EXOC4: variants seen among roughly 807,000 people sequenced by gnomAD.
The protein encoded by EXOC4 is exocyst complex component 4, also known as SEC8-like 1.
Under a neutral mutation model 107.2 loss-of-function variants are expected in EXOC4, and 71 were observed. The ratio of observed to expected loss-of-function variants is 0.66; its 90% confidence interval spans 0.55 to 0.81. The LOEUF is 0.81. Among genes scored for constraint, EXOC4 ranks in the 30% least tolerant of loss-of-function variants. The pLI is 0.00. For synonymous variants in EXOC4, 456 were observed against 441.2 expected (o/e 1.03, Z -0.42); for missense variants, 1,108 against 1,189.6 (o/e 0.93, Z 1.01).
At chr7:133,656,658 A>C (rs998252759) in intron 10 of EXOC4, among the ~76,000 whole-genome samples, 2 of 152,122 alleles carry the variant, frequency 1.3e-5, no homozygotes, top group East Asian at 1.9e-4. Context: ...ACCTATTTTA[A>C]ATTGTTTCCA....
At chr7:133,786,012 CTT>C (rs1345574815) in intron 10 of EXOC4, among the ~76,000 whole-genome samples, 1 of 152,142 alleles carries the variant, frequency 6.6e-6, no homozygotes, top group African/African-American at 2.4e-5. Context: ...ACTTTAGAAA[CTT>C]TGAAAAATAT....
At chr7:133,585,782 C>T (rs1157448647) in intron 9 of EXOC4, among the ~76,000 whole-genome samples, 1 of 152,182 alleles carries the variant, frequency 6.6e-6, no homozygotes, top group African/African-American at 2.4e-5. Flanking sequence ...TAACCTCTGC[C>T]TCCCAGGTTC....
chr7:133,415,027 C>A lies in EXOC4; in HGVS notation c.1182+40025C>A, dbSNP rs182500135. On this transcript the variant is annotated intron_variant, in intron 7 of 17. Transcript: ENST00000253861. ...TACTGACATTTCATATAAATGAAAT[C>A]ATATAATATGTGGTCTTTAATGACA... 3.3e-5 allele frequency among the ~76,000 whole-genome samples: 5 copies of A among 152,224 alleles called. No homozygotes were observed. The East Asian group carries it at 9.6e-4, about 29-fold the overall frequency.
In EXOC4 at chr7:133,913,099, T is replaced by G. The variant is rs111529272; in HGVS notation, c.1872-4484T>G. Among the ~76,000 whole-genome samples, 759 of 152,172 alleles carry G rather than the reference T, an allele frequency of 5.0e-3. 7 individuals are homozygous for G. The highest frequency in any genetic ancestry group is 0.021 in the South Asian group (99 of 4,814). On this transcript the variant is annotated intron_variant, in intron 12 of 17. Transcript: ENST00000253861. ...GAGAAAAAGGCTTTCTAGGCTGAGA[T>G]GACACACAGAAACAGGAAATAATAG...
intron 10 of EXOC4, among the ~76,000 whole-genome samples, chr7:133,787,993 A>G (rs1225718521): frequency 2.1e-5 from 2 of 95,398 alleles, no homozygotes; most frequent in Non-Finnish European, 4.2e-5. Flanking sequence ...ATATATATAT[A>G]TATATATATA....
chr7:133,938,167 G>T (rs1488114793), intron 14 of EXOC4, 98 bp downstream of exon 14: 5 of 1,205,426 alleles, frequency 4.1e-6, no homozygotes, highest in African/African-American at 1.5e-5. Flanking sequence ...CCGTATGGGG[G>T]CGTGTCCCAA....
intron 9 of EXOC4, chr7:133,483,982 G>A (rs750221745): frequency 7.2e-5 from 114 of 1,586,944 alleles, no homozygotes; most frequent in East Asian, 3.4e-4. Context: ...ACCATATAGC[G>A]GCAGGCTTTG....
chr7:133,788,854 C>T (rs1796645725), intron 10 of EXOC4, among the ~76,000 whole-genome samples: 1 of 152,138 alleles, frequency 6.6e-6, no homozygotes, highest in Non-Finnish European at 1.5e-5. Flanking sequence ...GTGTGCTCTA[C>T]CTTCAGGCTG....
intron 9 of EXOC4, among the ~76,000 whole-genome samples, chr7:133,519,458 TTG>T (rs1799942227): frequency 6.6e-6 from 1 of 152,082 alleles, no homozygotes; most frequent in South Asian, 2.1e-4. Context: ...ATTTAAATGT[TTG>T]TGAAGACTAT....
the EXOC4 span, among the ~76,000 whole-genome samples, chr7:134,088,186 C>T: frequency 6.6e-6 from 1 of 152,144 alleles, no homozygotes; most frequent in East Asian, 1.9e-4. Flanking sequence ...TTTATTGGCT[C>T]TATAAGTCAA....
chr7:133,485,158 A>G (rs1239443499), intron 9 of EXOC4, among the ~76,000 whole-genome samples: 1 of 151,920 alleles, frequency 6.6e-6, no homozygotes, highest in Non-Finnish European at 1.5e-5. Context: ...ATAAAAATTT[A>G]AAAAGTATCA....
chr7:134,090,978 A>T, the EXOC4 span, among the ~76,000 whole-genome samples: 1 of 151,758 alleles, frequency 6.6e-6, no homozygotes. Flanking sequence ...AGGTATATGC[A>T]CCCCACTTAC....
intron 5 of EXOC4, among the ~76,000 whole-genome samples, chr7:133,335,288 T>C (rs1795487344): frequency 1.3e-5 from 2 of 152,316 alleles, no homozygotes; most frequent in African/African-American, 4.8e-5. Context: ...ATTCACACTG[T>C]TGTGCAGCCA....
chr7:133,422,358 A>G (rs1052721254), intron 7 of EXOC4, among the ~76,000 whole-genome samples: 1 of 152,210 alleles, frequency 6.6e-6, no homozygotes, highest in African/African-American at 2.4e-5. Flanking sequence ...TTCCATGTTT[A>G]AGCTTGGTTT....
intron 11 of EXOC4, among the ~76,000 whole-genome samples, chr7:133,837,080 A>G (rs923304329): frequency 2.0e-5 from 3 of 152,240 alleles, no homozygotes; most frequent in African/African-American, 7.2e-5. Flanking sequence ...AAGATAAAAA[A>G]GATTAATCCA....
intron 12 of EXOC4, among the ~76,000 whole-genome samples, chr7:133,913,651 A>T (rs1434301770): frequency 6.6e-6 from 1 of 152,048 alleles, no homozygotes; most frequent in Non-Finnish European, 1.5e-5. Context: ...AGAGAGAGAG[A>T]AGTAGTTAGT....
At chr7:133,468,557 G>T (rs1054385068) in intron 7 of EXOC4, among the ~76,000 whole-genome samples, 2 of 152,066 alleles carry the variant, frequency 1.3e-5, no homozygotes, top group African/African-American at 2.4e-5. Context: ...CAGGAATCAA[G>T]GTTATAATTT....
At chr7:134,005,466 T>G (rs748989939) in intron 16 of EXOC4, among the ~76,000 whole-genome samples, 6 of 152,218 alleles carry the variant, frequency 3.9e-5, no homozygotes, top group Non-Finnish European at 5.9e-5. Flanking sequence ...TTGGCTAAAA[T>G]TATCACTGGA....
chr7:133,457,713 A>C (rs1332835743), intron 7 of EXOC4, among the ~76,000 whole-genome samples: 5 of 152,176 alleles, frequency 3.3e-5, no homozygotes, highest in Non-Finnish European at 7.4e-5. Context: ...TTTTCTGAAA[A>C]TAATGATTTA....
Sources: allele counts gnomAD v4.1 joint callset (sites outside exome capture counted in the v4.1 genomes callset), GRCh38; gene constraint gnomAD v4.1.1; transcripts MANE v1.5; gene names NCBI Gene and HGNC (gene_info 2026-07-23, HGNC 2026-07-21).